Variants in MTUS1 observed in about 807,000 individuals in gnomAD.
MTUS1 encodes the protein microtubule associated scaffold protein 1, also known as microtubule-associated tumor suppressor 1.
A neutral mutation model predicts 120.8 loss-of-function variants in MTUS1; 109 were observed. The ratio of observed to expected loss-of-function variants is 0.90; its 90% CI spans 0.77 to 1.06. MTUS1 has a LOEUF of 1.06. MTUS1 is among the 50% of genes least tolerant of loss of function. The probability of loss-of-function intolerance (pLI) is 0.00; values close to 1 mark genes in which losing one functional copy is unlikely to be tolerated. For synonymous variants in MTUS1, 737 were observed against 550.5 expected (o/e 1.34, Z -4.74); for missense variants, 2,210 against 1,486.3 (o/e 1.49, Z -8.01).
At chr8:17,713,600 G>A (rs1009497722) in intron 5 of MTUS1, among the ~76,000 whole-genome samples, 11 of 152,150 alleles carry the variant, frequency 7.2e-5, no homozygotes, top group South Asian at 4.1e-4. Context: ...TTCTGCTGCC[G>A]GGAGAGCAGA....
At chr8:17,696,944 G>A (rs1016394916) in intron 6 of MTUS1, among the ~76,000 whole-genome samples, 3 of 152,100 alleles carry the variant, frequency 2.0e-5, no homozygotes, top group Admixed American at 1.3e-4. Flanking sequence ...CCAAACACTG[G>A]AACTAAAATA....
intron 6 of MTUS1, among the ~76,000 whole-genome samples, chr8:17,707,711 T>C (rs972106954): frequency 5.3e-5 from 8 of 152,174 alleles, no homozygotes; most frequent in African/African-American, 1.7e-4. Context: ...AAGAAAGACG[T>C]TGAATGACTC....
At chr8:17,731,117 AT>A (rs1247923818) in intron 3 of MTUS1, among the ~76,000 whole-genome samples, 1 of 152,240 alleles carries the variant, frequency 6.6e-6, no homozygotes, top group Non-Finnish European at 1.5e-5. Flanking sequence ...TCTCAGAGAT[AT>A]AAAAATTCAG....
At chr8:17,698,601 A>G (rs938510392) in intron 6 of MTUS1, among the ~76,000 whole-genome samples, 4 of 152,170 alleles carry the variant, frequency 2.6e-5, no homozygotes, top group African/African-American at 9.7e-5. Flanking sequence ...GTTACCATAA[A>G]TAACACTATT....
intron 12 of MTUS1, among the ~76,000 whole-genome samples, chr8:17,652,842 A>T (rs1807321215): frequency 6.6e-6 from 1 of 152,074 alleles, no homozygotes; most frequent in Non-Finnish European, 1.5e-5. Flanking sequence ...TCTCAAAAAA[A>T]AAAAAAGAAA....
chr8:17,761,335 T>A (rs1348305258), intron 1 of MTUS1, among the ~76,000 whole-genome samples: 2 of 152,206 alleles, frequency 1.3e-5, no homozygotes, highest in South Asian at 4.1e-4. Context: ...AAGAACTGAA[T>A]CATTATATTA....
At chr8:17,798,996 T>G (rs556153447) in intron 1 of MTUS1, among the ~76,000 whole-genome samples, 1 of 146,210 alleles carries the variant, frequency 6.8e-6, no homozygotes, top group South Asian at 2.2e-4. Context: ...AAAGCACTGT[T>G]CACCTATAAA....
intron 1 of MTUS1, among the ~76,000 whole-genome samples, chr8:17,757,686 G>A (rs116262538): frequency 0.065 from 9,956 of 152,028 alleles, 425 homozygotes; most frequent in Middle Eastern, 0.12. Flanking sequence ...ACCTTCATGC[G>A]TGGCTGATTT....
intron 4 of MTUS1, chr8:17,722,409 C>A (rs991201213): frequency 2.0e-6 from 2 of 984,952 alleles, no homozygotes; most frequent in Non-Finnish European, 2.4e-6. Flanking sequence ...AAATAATACA[C>A]GTGTGAATTA....
intron 6 of MTUS1, among the ~76,000 whole-genome samples, chr8:17,702,541 C>A (rs1300238366): frequency 6.6e-6 from 1 of 152,152 alleles, no homozygotes; most frequent in South Asian, 2.1e-4. Context: ...CATTGAACAT[C>A]AAGTTCCCAT....
intron 4 of MTUS1, chr8:17,722,219 A>G (rs1045988025): frequency 9.9e-7 from 1 of 1,005,176 alleles, no homozygotes; most frequent in Non-Finnish European, 1.2e-6. Flanking sequence ...CAGACACAGT[A>G]CTGAAACGGT....
intron 1 of MTUS1, among the ~76,000 whole-genome samples, chr8:17,779,797 G>A (rs1490679157): frequency 6.6e-6 from 1 of 152,142 alleles, no homozygotes; most frequent in Non-Finnish European, 1.5e-5. Context: ...GGGGGGCGGG[G>A]GCAGCCCCTT....
chr8:17,712,884 A>G (rs1360566041), intron 6 of MTUS1, among the ~76,000 whole-genome samples: 2 of 152,196 alleles, frequency 1.3e-5, no homozygotes, highest in African/African-American at 4.8e-5. Flanking sequence ...AAATATTGAG[A>G]CCACTTAAAA....
At chr8:17,709,824 G>A (rs945444402) in intron 6 of MTUS1, among the ~76,000 whole-genome samples, 5 of 151,868 alleles carry the variant, frequency 3.3e-5, no homozygotes, top group African/African-American at 7.3e-5. Flanking sequence ...TGGCTAACAC[G>A]GTGAAACCCC....
chr8:17,763,176 G>A (rs960713128), intron 1 of MTUS1, among the ~76,000 whole-genome samples: 22 of 151,972 alleles, frequency 1.4e-4, no homozygotes, highest in African/African-American at 5.3e-4. Flanking sequence ...GTTTTTAGTA[G>A]AGGCAAGGTT....
At chr8:17,723,577 C>A in intron 4 of MTUS1, 95 bp downstream of exon 4, 2 of 1,386,532 alleles carry the variant, frequency 1.4e-6, no homozygotes, top group Non-Finnish European at 2.0e-6. Context: ...TTCCTGAAAC[C>A]CCAGAAACAA....
At chr8:17,683,065 G>A (rs1814930955) in intron 7 of MTUS1, among the ~76,000 whole-genome samples, 1 of 152,224 alleles carries the variant, frequency 6.6e-6, no homozygotes, top group Admixed American at 6.5e-5. Flanking sequence ...AGGGTCAGGA[G>A]ATCGAGACCA....
At chr8:17,657,124 A>T (rs1808481261) in intron 8 of MTUS1, among the ~76,000 whole-genome samples, 1 of 151,466 alleles carries the variant, frequency 6.6e-6, no homozygotes, top group Non-Finnish European at 1.5e-5. Context: ...TGAGTTGATT[A>T]TAATTTGTTA....
intron 4 of MTUS1, among the ~76,000 whole-genome samples, chr8:17,719,894 G>C (rs1022995585): frequency 1.3e-5 from 2 of 152,204 alleles, no homozygotes; most frequent in African/African-American, 4.8e-5. Context: ...CAAACAATGA[G>C]GCCCTGTCTT....
Sources: allele counts gnomAD v4.1 joint callset (sites outside exome capture counted in the v4.1 genomes callset), GRCh38; gene constraint gnomAD v4.1.1; transcripts MANE v1.5; gene names NCBI Gene and HGNC (gene_info 2026-07-23, HGNC 2026-07-21).